The following ADAMTS20 variants were observed in gnomAD, a reference collection of about 807,000 sequenced individuals.
ADAMTS20 encodes ADAM metallopeptidase with thrombospondin type 1 motif 20, also known as A disintegrin and metalloproteinase with thrombospondin motifs 20.
ADAMTS20 carries 225 observed loss-of-function variants against 260.1 expected under a neutral mutation model. That is an observed-to-expected ratio of 0.87 (90% CI 0.78 to 0.97). ADAMTS20 has a LOEUF of 0.97. Ranked by LOEUF, ADAMTS20 falls within the 50% of genes least tolerant of loss-of-function variation. The pLI, the probability that ADAMTS20 is intolerant of heterozygous loss-of-function variation, is 0.00. For missense variants in ADAMTS20, 2,400 were observed against 2,337.7 expected (o/e 1.03, Z -0.55); for synonymous variants, 802 against 769.5 (o/e 1.04, Z -0.70).
chr12:43,501,473 G>GCA (rs1198759318), intron 4 of ADAMTS20, among the ~76,000 whole-genome samples: 12 of 55,480 alleles, frequency 2.2e-4, no homozygotes, highest in African/African-American at 8.3e-4. Context: ...GCGCGCGCGC[G>GCA]CGCGCGCGCA....
rs1473378936 is a variant in ADAMTS20 at position 43,471,854 on chromosome 12, A to G, written c.1118-3149T>C. Among the ~76,000 whole-genome samples the G allele has an allele frequency of 3.8e-3, 499 of 131,000 alleles. 2 individuals are homozygous for G. The highest frequency in any genetic ancestry group is 4.6e-3 in the Non-Finnish European group (288 of 62,002). 85.9% of individuals were successfully genotyped at this position (131,000 alleles called of 152,430 possible). ...CATCTGTACATCACCATCATCAAAGACCAAAAGTAGATAAAACCACAAAGA... is the reference window on the plus strand; with the variant it reads ...CATCTGTACATCACCATCATCAAAGGCCAAAAGTAGATAAAACCACAAAGA... On this transcript the variant is annotated intron_variant, in intron 7 of 38. Coordinates refer to ENST00000389420, the MANE Select transcript of ADAMTS20 (RefSeq NM_025003.5).
At position 43,399,066 on chromosome 12, in the gene ADAMTS20, C is replaced by G. The variant is rs1490421448; in HGVS notation, c.4452G>C (p.Glu1484Asp). 2.0e-6 allele frequency: 3 copies of G among 1,501,668 alleles called. No individual in the cohort carries two copies. The highest frequency in any genetic ancestry group is 2.7e-6 in the Non-Finnish European group (3 of 1,124,378). The allele number at this position is 1,501,668 out of a possible 1,614,324, so 93.0% of individuals were successfully genotyped here. A position where few individuals can be genotyped will look rare whatever the true frequency, so the allele number is the denominator to read the frequency against. ...TAATTATAAAATATACATCATATACCTCATTCCAGCTATTGGCTTTCCATG... is the reference window on the plus strand; with the variant it reads ...TAATTATAAAATATACATCATATACGTCATTCCAGCTATTGGCTTTCCATG... ...CPSWKANSWN[E>D]CSVTCGSGVQ... is the part of the protein sequence containing the mutation. Residue 1484 changes from glutamate to aspartate, a missense_variant and splice_region_variant, in exon 29 of 39, where the codon GAG (glutamate) becomes GAC (aspartate). Coordinates refer to ENST00000389420, the MANE Select transcript of ADAMTS20 (RefSeq NM_025003.5).
intron 29 of ADAMTS20, 66 bp from the exon 30 acceptor site, chr12:43,384,043 A>G: frequency 5.6e-6 from 8 of 1,415,948 alleles, no homozygotes; most frequent in South Asian, 4.6e-5. Flanking sequence ...AAAGTAGCCA[A>G]TGGAGCCATT....
chr12:43,464,028 A>G (rs1942110492), intron 10 of ADAMTS20, among the ~76,000 whole-genome samples: 1 of 152,186 alleles, frequency 6.6e-6, no homozygotes, highest in Admixed American at 6.5e-5. Context: ...CATATAAAAG[A>G]AAATCATAAT....
chr12:43,365,594 G>A (rs1939966274), intron 37 of ADAMTS20, among the ~76,000 whole-genome samples: 2 of 151,888 alleles, frequency 1.3e-5, no homozygotes, highest in South Asian at 2.1e-4. Context: ...AATACTAAAT[G>A]AGAAGGTTTA....
In ADAMTS20 at chr12:43,526,710, C is replaced by A. The variant is rs563914269; in HGVS notation, c.613+5326G>T. Among the ~76,000 whole-genome samples, 3 of 152,202 alleles carry A rather than the reference C, an allele frequency of 2.0e-5. No individual in the cohort carries two copies. In the South Asian group the frequency reaches 6.2e-4, roughly 32 times the overall value. On this transcript the variant is annotated intron_variant, in intron 3 of 38. Transcript: ENST00000389420. ...GTAGTGCTAAGAGGAATGTTTATTG[C>A]ACTAAATTTGTACATCAAAAAGTCT...
rs1453420860 is a variant in ADAMTS20 at position 43,443,856 on chromosome 12, G to T, written c.2225C>A (p.Ala742Glu). The change falls in exon 16 of 39, where the codon GCA becomes GAA. Residue 742 changes from alanine to glutamate, a missense_variant. Ala to Glu is a moderately radical substitution (Grantham distance 107). Coordinates refer to ENST00000389420, the MANE Select transcript of ADAMTS20 (RefSeq NM_025003.5). ...YGYNVVVKIPAGATNVDIRQY... is the reference protein window; with the variant it reads ...YGYNVVVKIPEGATNVDIRQY... ...ACGAATGTCAACGTTTGTTGCTCCT[G>T]CGGGAATCTTTACAACAACATTATA... is the stretch of plus-strand genomic sequence containing the variant. 5.0e-6 allele frequency: 8 copies of T among 1,613,028 alleles called. No homozygotes were observed. The highest frequency in any genetic ancestry group is 6.8e-6 in the Non-Finnish European group (8 of 1,179,362).
chr12:43,528,830 C>T (rs558880224), intron 3 of ADAMTS20, among the ~76,000 whole-genome samples: 3 of 152,016 alleles, frequency 2.0e-5, no homozygotes, highest in Non-Finnish European at 4.4e-5. Flanking sequence ...AAAGCTTCTG[C>T]ACAGCAAAAG....
intron 14 of ADAMTS20, among the ~76,000 whole-genome samples, chr12:43,448,218 T>G (rs1279692280): frequency 1.3e-5 from 2 of 152,122 alleles, no homozygotes; most frequent in East Asian, 3.9e-4. Context: ...GCTGAAGGTG[T>G]CATGCTACCC....
At chr12:43,528,956 GA>G (rs886094394) in intron 3 of ADAMTS20, among the ~76,000 whole-genome samples, 1 of 151,678 alleles carries the variant, frequency 6.6e-6, no homozygotes, top group Non-Finnish European at 1.5e-5. Context: ...AAATCAGCAA[GA>G]AAAAAAGCAA....
intron 28 of ADAMTS20, among the ~76,000 whole-genome samples, chr12:43,415,380 C>G (rs1042590999): frequency 8.5e-5 from 13 of 152,106 alleles, no homozygotes; most frequent in African/African-American, 3.1e-4. Context: ...CAACTCCAGT[C>G]CAAATTGATG....
At chr12:43,391,888 C>T (rs1940604164) in intron 29 of ADAMTS20, among the ~76,000 whole-genome samples, 1 of 152,126 alleles carries the variant, frequency 6.6e-6, no homozygotes, top group Admixed American at 6.5e-5. Flanking sequence ...ACTGGAAAAG[C>T]ACTTTAAAAT....
chr12:43,500,806 T>C (rs909063981), intron 4 of ADAMTS20, among the ~76,000 whole-genome samples: 7 of 152,172 alleles, frequency 4.6e-5, no homozygotes, highest in African/African-American at 1.4e-4. Context: ...TTAGGCAACG[T>C]AGACTATGGT....
chr12:43,550,949 T>G lies in ADAMTS20; in HGVS notation c.413A>C (p.Gln138Pro). The part of the protein sequence containing the change: ...HCFYRGQVNS[Q>P]EDYKAVVSLC... ...GCTGACGACGGCCTTGTAATCCTCC[T>G]GTGAGTTGACCTGGCCGCGGTAGAA... The change falls in exon 2 of 39, where the codon CAG (glutamine) becomes CCG (proline). Residue 138 changes from glutamine (Q) to proline (P), a missense_variant. By Grantham distance (76) the Gln-to-Pro change is moderately conservative. Transcript: ENST00000389420. The G allele has an allele frequency of 1.3e-6, 2 of 1,596,078 alleles. No homozygotes were observed. The highest frequency in any genetic ancestry group is 1.7e-6 in the Non-Finnish European group (2 of 1,168,590).
chr12:43,432,702 C>T lies in ADAMTS20; in HGVS notation c.2830G>A (p.Val944Ile), dbSNP rs760035053. ...TGGTCACCACAGTAGTGGTCATCAA[C>T]TTGAACAGTCTGTCCTTCATGAATG... ...YSIHEGQTVQ[V>I]DDHYCGDQLK... The change falls in exon 20 of 39, where the codon GTT becomes ATT. Residue 944 changes from valine (V) to isoleucine (I), a missense_variant. Coordinates refer to ENST00000389420, the MANE Select transcript of ADAMTS20 (RefSeq NM_025003.5). The T allele has an allele frequency of 6.2e-7, 1 of 1,613,820 alleles. No individual in the cohort carries two copies.
In ADAMTS20 at chr12:43,532,170, C is replaced by A; in HGVS notation, c.479G>T (p.Gly160Val). ...CATTATAGGTTCTAAGAAATATTCA[C>A]CGTTCTGTCCTTTAAATGTTCCCGT... Reference protein sequence around the residue: ...GLTGTFKGQNGEYFLEPIMKA... With the variant: ...GLTGTFKGQNVEYFLEPIMKA... The change falls in exon 3 of 39, where the codon GGT becomes GTT. Residue 160 changes from glycine (G) to valine (V), a missense_variant. By Grantham distance (109) the Gly-to-Val change is moderately radical. Transcript: ENST00000389420. The A allele has an allele frequency of 6.2e-7, 1 of 1,605,214 alleles. No individual in the cohort carries two copies. Among genetic ancestry groups the A allele is most frequent in the Non-Finnish European group, 8.5e-7 (1 of 1,177,130 alleles).
chr12:43,520,378 C>T (rs925155333), intron 3 of ADAMTS20, among the ~76,000 whole-genome samples: 8 of 151,732 alleles, frequency 5.3e-5, no homozygotes, highest in Non-Finnish European at 1.0e-4. Flanking sequence ...AATGGTGGTC[C>T]AGGAAGAGCA....
At position 43,427,323 on chromosome 12, in the gene ADAMTS20, G is replaced by A. The variant is rs536908821; in HGVS notation, c.4092C>T (p.Tyr1364=). The change falls in exon 27 of 39, where the codon TAC becomes TAT. Residue 1364 remains tyrosine, a synonymous_variant. Coordinates refer to ENST00000389420, the MANE Select transcript of ADAMTS20 (RefSeq NM_025003.5). ...CGPGPCPQWN[Y]GNWGECSQTC... ...TATGACTTACTTCTCCCCAATTTCC[G>A]TAGTTCCACTGTGGACAAGGCCCTG... 313 of 1,611,320 alleles carry A rather than the reference G, an allele frequency of 1.9e-4. 2 individuals carry two copies. Among genetic ancestry groups the A allele is most frequent in the South Asian group, 1.8e-3 (163 of 90,460 alleles).
chr12:43,436,157 A>C, intron 18 of ADAMTS20, among the ~76,000 whole-genome samples: 1 of 152,252 alleles, frequency 6.6e-6, no homozygotes, highest in East Asian at 1.9e-4. Context: ...ACTATTTAAC[A>C]GAGCCAAGGA....
Sources: allele counts gnomAD v4.1 joint callset (sites outside exome capture counted in the v4.1 genomes callset), GRCh38; gene constraint gnomAD v4.1.1; transcripts MANE v1.5; gene names NCBI Gene and HGNC (gene_info 2026-07-23, HGNC 2026-07-21).